The following RAPGEF4 variants were observed in gnomAD, a reference collection of about 807,000 sequenced individuals.
RAPGEF4 encodes the protein Rap guanine nucleotide exchange factor 4.
In RAPGEF4, 66 loss-of-function variants were observed where a neutral mutation model predicts 147.9. That is an observed-to-expected ratio of 0.45 (90% CI 0.37 to 0.55). The LOEUF is 0.55. Ranked by LOEUF, RAPGEF4 falls within the 20% of genes least tolerant of loss-of-function variation. The pLI is 0.00. For synonymous variants in RAPGEF4, 419 were observed against 442.7 expected (o/e 0.95, Z 0.67); for missense variants, 1,071 against 1,257.3 (o/e 0.85, Z 2.24).
intron 4 of RAPGEF4, among the ~76,000 whole-genome samples, chr2:172,905,928 T>C (rs950655415): frequency 6.6e-6 from 1 of 152,194 alleles, no homozygotes; most frequent in Non-Finnish European, 1.5e-5. Context: ...CAGTGATCTA[T>C]TGTGGGAAAG....
intron 3 of RAPGEF4, among the ~76,000 whole-genome samples, chr2:172,808,933 G>T (rs777526162): frequency 6.6e-6 from 1 of 152,182 alleles, no homozygotes; most frequent in Non-Finnish European, 1.5e-5. Context: ...AGCATGGGCG[G>T]CTTCATCGAC....
chr2:173,014,686 A>T, intron 18 of RAPGEF4, 72 bp downstream of exon 18: 1 of 1,463,718 alleles, frequency 6.8e-7, no homozygotes, highest in Non-Finnish European at 9.3e-7. Context: ...TAGGCTCAGC[A>T]GCTTCCCTGG....
At chr2:172,966,980 G>C (rs1020557039) in intron 9 of RAPGEF4, 1 of 290,010 alleles carries the variant, frequency 3.4e-6, no homozygotes, top group African/African-American at 2.2e-5. Context: ...ATTTCTGCAG[G>C]TCAAAGTGTT....
chr2:172,837,627 T>C (rs1691107923), intron 4 of RAPGEF4, among the ~76,000 whole-genome samples: 1 of 152,160 alleles, frequency 6.6e-6, no homozygotes, highest in Admixed American at 6.5e-5. Flanking sequence ...CAGGCTGGAG[T>C]GCAGTGGGGT....
At chr2:172,966,559 A>T (rs1412711830) in intron 9 of RAPGEF4, among the ~76,000 whole-genome samples, 1 of 152,150 alleles carries the variant, frequency 6.6e-6, no homozygotes, top group East Asian at 1.9e-4. Flanking sequence ...CTCCATCCTG[A>T]AAAGGGGCTC....
intron 1 of RAPGEF4, among the ~76,000 whole-genome samples, chr2:172,757,409 T>C (rs1242379800): frequency 1.3e-5 from 2 of 152,230 alleles, no homozygotes; most frequent in East Asian, 3.8e-4. Flanking sequence ...GATTATCTGT[T>C]TTAATACCAG....
At chr2:172,755,386 A>G (rs928444610) in intron 1 of RAPGEF4, among the ~76,000 whole-genome samples, 7 of 152,112 alleles carry the variant, frequency 4.6e-5, no homozygotes, top group Admixed American at 1.3e-4. Context: ...TTTAAAAATT[A>G]TCTTTTAAAA....
chr2:173,008,531 T>C (rs1334291980), intron 17 of RAPGEF4, among the ~76,000 whole-genome samples: 2 of 152,214 alleles, frequency 1.3e-5, no homozygotes, highest in African/African-American at 4.8e-5. Context: ...AGCAGAGATC[T>C]TGTATGCAAA....
intron 6 of RAPGEF4, among the ~76,000 whole-genome samples, chr2:172,936,984 GAGACCA>G (rs1390858362): frequency 7.8e-6 from 1 of 127,552 alleles, no homozygotes; most frequent in African/African-American, 2.9e-5. Context: ...AGGATCACTT[GAGACCA>G]AGAGTTCAAG....
chr2:173,016,485 CA>C (rs1559187171), intron 19 of RAPGEF4, 48 bp downstream of exon 19: 3 of 1,459,078 alleles, frequency 2.1e-6, no homozygotes, highest in African/African-American at 1.4e-5. Context: ...AAGTAAATCT[CA>C]AAAAGTCCTT....
intron 23 of RAPGEF4, among the ~76,000 whole-genome samples, chr2:173,022,959 T>C (rs1476737569): frequency 1.3e-5 from 2 of 152,236 alleles, no homozygotes; most frequent in Non-Finnish European, 2.9e-5. Flanking sequence ...ATTTAGTACC[T>C]ACCACATCAT....
At chr2:172,785,158 A>G (rs758062119) in intron 1 of RAPGEF4, among the ~76,000 whole-genome samples, 1 of 152,230 alleles carries the variant, frequency 6.6e-6, no homozygotes, top group Non-Finnish European at 1.5e-5. Flanking sequence ...TTTATCTAAC[A>G]GGGCTGCAAT....
chr2:172,964,104 G>A (rs185074671), intron 8 of RAPGEF4, among the ~76,000 whole-genome samples: 58 of 152,052 alleles, frequency 3.8e-4, no homozygotes, highest in African/African-American at 1.2e-3. Context: ...TGATTTTTAC[G>A]ATTAATCAAT....
At chr2:172,908,515 C>T (rs1699825457) in intron 4 of RAPGEF4, among the ~76,000 whole-genome samples, 2 of 152,156 alleles carry the variant, frequency 1.3e-5, no homozygotes, top group Admixed American at 1.3e-4. Flanking sequence ...GGGTAGAGTC[C>T]CTAACACTTC....
chr2:172,788,196 T>G (rs983993931), intron 1 of RAPGEF4, among the ~76,000 whole-genome samples: 1 of 152,178 alleles, frequency 6.6e-6, no homozygotes, highest in African/African-American at 2.4e-5. Context: ...ACCATCACTT[T>G]AAGGGTTAGG....
intron 4 of RAPGEF4, among the ~76,000 whole-genome samples, chr2:172,907,309 G>A (rs1439644925): frequency 6.6e-6 from 1 of 152,184 alleles, no homozygotes; most frequent in African/African-American, 2.4e-5. Context: ...GAGGACTTCT[G>A]TCCCTTCCCA....
At chr2:172,929,705 C>T (rs1462655162) in intron 6 of RAPGEF4, among the ~76,000 whole-genome samples, 4 of 152,092 alleles carry the variant, frequency 2.6e-5, no homozygotes, top group Admixed American at 6.6e-5. Flanking sequence ...AATCTCAGGC[C>T]GTCATATAGG....
intron 1 of RAPGEF4, chr2:172,744,114 C>CT (rs35493140): frequency 5.1e-6 from 1 of 197,730 alleles, no homozygotes; most frequent in African/African-American, 2.4e-5. Flanking sequence ...ATTCTCAGAA[C>CT]TTTGAAGTTA....
intron 11 of RAPGEF4, 121 bp downstream of exon 11, chr2:172,983,701 C>T (rs6719635): frequency 0.061 from 89,238 of 1,451,174 alleles, 3,657 homozygotes; most frequent in South Asian, 0.18. Flanking sequence ...TCATAAATCA[C>T]CTCTACTCTC....
Sources: gnomAD v4.1 joint callset for allele counts (sites outside exome capture counted in the v4.1 genomes callset) on GRCh38, gnomAD v4.1.1 for gene constraint, MANE v1.5 for transcripts, NCBI Gene and HGNC (gene_info 2026-07-23, HGNC 2026-07-21) for gene names.